Variants in DDR2 observed in about 807,000 individuals in gnomAD.
The protein encoded by DDR2 is discoidin domain-containing receptor 2.
In DDR2, 27 loss-of-function variants were observed where a neutral mutation model predicts 94.9. The ratio of observed to expected loss-of-function variants is 0.28; its 90% confidence interval spans 0.21 to 0.39. The LOEUF is 0.39. Among genes scored for constraint, DDR2 ranks in the 10% least tolerant of loss-of-function variants. The pLI is 1.00. For missense variants in DDR2, 783 were observed against 1,076.0 expected, an observed-to-expected ratio of 0.73 and a Z score of 3.81; for synonymous variants, 382 against 377.2, an observed-to-expected ratio of 1.01 and a Z score of -0.15.
chr1:162,701,574 A>T (rs1187798240), intron 2 of DDR2, among the ~76,000 whole-genome samples: 1 of 152,254 alleles, frequency 6.6e-6, no homozygotes, highest in African/African-American at 2.4e-5. Context: ...GAACAGACAC[A>T]TAGATTATTA....
chr1:162,753,054 A>C lies in DDR2; in HGVS notation c.83-41A>C, dbSNP rs562564080. The C allele has an allele frequency of 5.0e-5, 78 of 1,549,408 alleles. 2 individuals carry two copies. The highest frequency in any genetic ancestry group is 4.7e-4 in the South Asian group (42 of 89,498). ...CTAGGGGGCTTGGAAATAAAAATAA[A>C]ACCATGTCCTCTCTTTTCTCTTTGG... On this transcript the variant is annotated intron_variant, in intron 3 of 17. Coordinates refer to ENST00000367921, the MANE Select transcript of DDR2 (RefSeq NM_006182.4).
At chr1:162,741,762 A>C in intron 3 of DDR2, 1 of 985,378 alleles carries the variant, frequency 1.0e-6, no homozygotes, top group East Asian at 1.1e-4. Flanking sequence ...CCTAAATGCC[A>C]ATGTGAGCGT....
At chr1:162,669,482 A>G (rs1658729944) in intron 2 of DDR2, among the ~76,000 whole-genome samples, 1 of 152,254 alleles carries the variant, frequency 6.6e-6, no homozygotes, top group African/African-American at 2.4e-5. Flanking sequence ...GTCAAGTCCA[A>G]AAATTTGAAT....
intron 3 of DDR2, among the ~76,000 whole-genome samples, chr1:162,744,449 C>G (rs549390681): frequency 6.6e-6 from 1 of 152,030 alleles, no homozygotes; most frequent in Non-Finnish European, 1.5e-5. Flanking sequence ...TTATTTCTAC[C>G]GGGTTCAACC....
intron 1 of DDR2, among the ~76,000 whole-genome samples, chr1:162,649,016 G>A (rs1461852503): frequency 6.6e-6 from 1 of 152,016 alleles, no homozygotes; most frequent in Non-Finnish European, 1.5e-5. Flanking sequence ...ATCCCATAGT[G>A]AGGACCACTC....
At chr1:162,751,462 A>G (rs1663189494) in intron 3 of DDR2, among the ~76,000 whole-genome samples, 1 of 152,238 alleles carries the variant, frequency 6.6e-6, no homozygotes, top group Non-Finnish European at 1.5e-5. Flanking sequence ...ATCTCACACC[A>G]GTTAGAATGG....
At chr1:162,663,437 T>C (rs572135729) in intron 2 of DDR2, among the ~76,000 whole-genome samples, 8 of 152,252 alleles carry the variant, frequency 5.3e-5, no homozygotes, top group African/African-American at 1.9e-4. Context: ...TAAATAAATA[T>C]GTATGGATTT....
At chr1:162,637,134 T>A (rs1171117224) in intron 1 of DDR2, among the ~76,000 whole-genome samples, 1 of 152,166 alleles carries the variant, frequency 6.6e-6, no homozygotes, top group African/African-American at 2.4e-5. Context: ...TGGACACTGT[T>A]CTATGTTTTA....
intron 2 of DDR2, among the ~76,000 whole-genome samples, chr1:162,681,891 C>G (rs558123076): frequency 6.6e-6 from 1 of 152,242 alleles, no homozygotes; most frequent in East Asian, 1.9e-4. Flanking sequence ...CAGAAGGGAG[C>G]CATTAATTGT....
intron 1 of DDR2, among the ~76,000 whole-genome samples, chr1:162,647,254 G>A (rs546467776): frequency 8.5e-5 from 13 of 152,238 alleles, no homozygotes; most frequent in East Asian, 1.9e-4. Flanking sequence ...CTTCCCCTGC[G>A]TTTCTAAAAC....
intron 9 of DDR2, among the ~76,000 whole-genome samples, chr1:162,764,893 A>G (rs927084597): frequency 3.3e-5 from 5 of 152,124 alleles, no homozygotes; most frequent in African/African-American, 1.2e-4. Flanking sequence ...TTTGATTTTT[A>G]AGGGAAAAAA....
intron 2 of DDR2, among the ~76,000 whole-genome samples, chr1:162,688,202 C>A (rs574716056): frequency 6.6e-6 from 1 of 152,186 alleles, no homozygotes; most frequent in African/African-American, 2.4e-5. Context: ...AAGCACAGCA[C>A]GTACAAGGAC....
chr1:162,733,803 G>A (rs1662168933), intron 3 of DDR2, among the ~76,000 whole-genome samples: 1 of 152,164 alleles, frequency 6.6e-6, no homozygotes, highest in Non-Finnish European at 1.5e-5. Context: ...CAACAAGGAG[G>A]TAACCAAGCA....
chr1:162,654,141 T>TA (rs1368500048), intron 1 of DDR2, among the ~76,000 whole-genome samples: 2 of 152,048 alleles, frequency 1.3e-5, no homozygotes, highest in African/African-American at 4.8e-5. Context: ...TTTTTAAATT[T>TA]AAAAAACTAT....
In DDR2 at chr1:162,775,687, G is replaced by A. The variant is rs779963287; in HGVS notation, c.1892G>A (p.Arg631Gln). 3.7e-6 allele frequency: 6 copies of A among 1,613,820 alleles called. No individual in the cohort carries two copies. Among genetic ancestry groups the A allele is most frequent in the African/African-American group, 1.3e-5 (1 of 74,852 alleles). The change falls in exon 15 of 18, where the codon CGG (arginine) becomes CAG (glutamine). Residue 631 changes from arginine (R) to glutamine (Q), a missense_variant. Physicochemically the swap from Arg to Gln is conservative, Grantham distance 43. Around this residue, in one of 2 missense-constraint regions of DDR2, gnomAD observed 264 missense variants for 428.2 expected, o/e 0.62. Transcript: ENST00000367921. ...CTTAAGGAGATAAAGATCATGTCTC[G>A]GCTCAAGGACCCAAACATCATCCAT... ...DFLKEIKIMS[R>Q]LKDPNIIHLL... is the part of the protein sequence containing the mutation.
intron 2 of DDR2, among the ~76,000 whole-genome samples, chr1:162,714,627 G>A (rs537850894): frequency 1.3e-5 from 2 of 151,996 alleles, no homozygotes; most frequent in Non-Finnish European, 2.9e-5. Context: ...GCCTTTGCTG[G>A]CCACCTTACC....
chr1:162,712,072 G>T (rs1660941300), intron 2 of DDR2, among the ~76,000 whole-genome samples: 1 of 151,776 alleles, frequency 6.6e-6, no homozygotes, highest in African/African-American at 2.4e-5. Context: ...ATCTCCCAAG[G>T]TTCCTAGCTG....
rs1558008855 is a variant in DDR2 at position 162,656,851 on chromosome 1, TTTTTTTTG to T, written c.-28+1480_-28+1487del. Among the ~76,000 whole-genome samples, 17 of 123,732 alleles carry T rather than the reference TTTTTTTTG, an allele frequency of 1.4e-4. 4 individuals carry two copies. The highest frequency in any genetic ancestry group is 1.1e-3 in the South Asian group (4 of 3,520). 81.2% of individuals were successfully genotyped at this position (123,732 alleles called of 152,430 possible). The stretch of plus-strand genomic sequence containing the variant: ...CACTGGAGTTTTTTTTTTTTTTTTA[TTTTTTTTG>T]TTAACAGGGTTTTGCTCTGTCACCC... On this transcript the variant is annotated intron_variant, in intron 2 of 17. Coordinates refer to ENST00000367921, the MANE Select transcript of DDR2 (RefSeq NM_006182.4).
intron 2 of DDR2, among the ~76,000 whole-genome samples, chr1:162,704,882 A>G (rs2102002540): frequency 1.3e-5 from 2 of 152,334 alleles, no homozygotes; most frequent in Middle Eastern, 3.4e-3. Context: ...TCTCAACAGC[A>G]TAGCTCTTGC....
Sources: gnomAD v4.1 joint callset for allele counts (sites outside exome capture counted in the v4.1 genomes callset) on GRCh38, gnomAD v4.1.1 for gene constraint, gnomAD v4.1.1 regional missense constraint, MANE v1.5 for transcripts, NCBI Gene and HGNC (gene_info 2026-07-23, HGNC 2026-07-21) for gene names.